The following FMN1 variants were observed in gnomAD, a reference collection of about 807,000 sequenced individuals.
FMN1 encodes formin-1.
Under a neutral mutation model 132.4 loss-of-function variants are expected in FMN1, and 110 were observed. The observed-to-expected ratio is 0.83, with a 90% CI of 0.71 to 0.97. The LOEUF (loss-of-function observed/expected upper bound fraction) is 0.97. Ranked by LOEUF, FMN1 falls within the 50% of genes least tolerant of loss-of-function variation. The pLI, the probability that FMN1 is intolerant of heterozygous loss-of-function variation, is 0.00. For synonymous variants in FMN1, 722 were observed against 651.7 expected (o/e 1.11, Z -1.64); for missense variants, 1,792 against 1,705.3 (o/e 1.05, Z -0.90).
At chr15:32,806,274 C>G (rs1386717626) in intron 17 of FMN1, among the ~76,000 whole-genome samples, 2 of 152,100 alleles carry the variant, frequency 1.3e-5, no homozygotes, top group Non-Finnish European at 2.9e-5. Flanking sequence ...TTTATTAAAC[C>G]TGGCCCTACC....
intron 7 of FMN1, among the ~76,000 whole-genome samples, chr15:32,973,582 C>A (rs917678062): frequency 2.0e-5 from 3 of 151,676 alleles, no homozygotes; most frequent in Non-Finnish European, 4.4e-5. Flanking sequence ...CCTCACCCCC[C>A]CCAAAAAAAC....
At chr15:33,124,776 T>A (rs2468735) in intron 4 of FMN1, among the ~76,000 whole-genome samples, 134,485 of 151,782 alleles carry the variant, frequency 0.89, 59,682 homozygotes, top group East Asian at 0.97. Context: ...CTCCTTAATT[T>A]TGGATTTTGT....
intron 5 of FMN1, among the ~76,000 whole-genome samples, chr15:33,073,339 A>G (rs182514238): frequency 2.1e-4 from 32 of 152,364 alleles, no homozygotes; most frequent in Non-Finnish European, 4.4e-5. Context: ...AAAGTAGTTC[A>G]AATAGCTTCA....
At chr15:33,108,734 T>C (rs345770) in intron 4 of FMN1, among the ~76,000 whole-genome samples, 57,855 of 152,024 alleles carry the variant, frequency 0.38, 12,492 homozygotes, top group East Asian at 0.69. Context: ...AGGGATTTAA[T>C]TGCCTTTTCC....
intron 4 of FMN1, among the ~76,000 whole-genome samples, chr15:33,114,897 G>GC (rs1555402702): frequency 1.3e-5 from 2 of 148,810 alleles, no homozygotes; most frequent in Non-Finnish European, 3.0e-5. Flanking sequence ...AAAGATGCAA[G>GC]CATCTCTACG....
At chr15:32,851,337 C>G (rs893671915) in intron 17 of FMN1, among the ~76,000 whole-genome samples, 8 of 152,210 alleles carry the variant, frequency 5.3e-5, no homozygotes, top group African/African-American at 1.9e-4. Flanking sequence ...AGACCACCTA[C>G]AAGATCTATA....
intron 5 of FMN1, among the ~76,000 whole-genome samples, chr15:33,076,188 T>C (rs1320334572): frequency 6.6e-6 from 1 of 152,170 alleles, no homozygotes; most frequent in African/African-American, 2.4e-5. Context: ...AGCTTTGAGC[T>C]TTCCCAAAGT....
At chr15:33,100,111 T>C (rs1361466680) in intron 4 of FMN1, among the ~76,000 whole-genome samples, 2 of 152,140 alleles carry the variant, frequency 1.3e-5, no homozygotes, top group African/African-American at 4.8e-5. Flanking sequence ...TTGGCCATTT[T>C]AGTTTCTTAT....
rs896070737 is a variant in FMN1 at position 32,769,200 on chromosome 15, G to A, written c.*5110C>T. 2 of 152,166 alleles carry A rather than the reference G, an allele frequency of 1.3e-5. No individual in the cohort carries two copies. Among genetic ancestry groups the A allele is most frequent in the Non-Finnish European group, 2.9e-5 (2 of 68,032 alleles). 9.4% of individuals were successfully genotyped at this position (152,166 alleles called of 1,614,324 possible). ...CATGTTTCCAAGTTGTTAACTACAC[G>A]TTTCCCAAATCCTAACTTTATATCA... On this transcript the variant is annotated 3_prime_UTR_variant, in exon 21 of 21. Coordinates refer to ENST00000616417, the MANE Select transcript of FMN1 (RefSeq NM_001277313.2).
At chr15:32,827,705 G>A (rs552265056) in intron 17 of FMN1, among the ~76,000 whole-genome samples, 12 of 152,140 alleles carry the variant, frequency 7.9e-5, no homozygotes, top group African/African-American at 1.2e-4. Context: ...TTAGCCTGGC[G>A]TGGTGGCGGG....
chr15:32,786,491 G>C (rs942747715), intron 19 of FMN1, among the ~76,000 whole-genome samples: 3 of 152,072 alleles, frequency 2.0e-5, no homozygotes, highest in African/African-American at 7.2e-5. Flanking sequence ...GTCAGAAAAG[G>C]GGTATATAGA....
At chr15:32,884,008 C>A (rs1387755520) in intron 16 of FMN1, among the ~76,000 whole-genome samples, 3 of 152,120 alleles carry the variant, frequency 2.0e-5, no homozygotes, top group Non-Finnish European at 4.4e-5. Context: ...ACGAATCCTA[C>A]ATCTATAGTT....
intron 17 of FMN1, among the ~76,000 whole-genome samples, chr15:32,824,835 A>G (rs551136919): frequency 3.5e-4 from 53 of 152,310 alleles, no homozygotes; most frequent in African/African-American, 1.3e-3. Flanking sequence ...CATCAACTCC[A>G]AACTACATTC....
chr15:33,028,715 G>A (rs1270392601), intron 6 of FMN1, among the ~76,000 whole-genome samples: 2 of 152,008 alleles, frequency 1.3e-5, no homozygotes, highest in Non-Finnish European at 2.9e-5. Flanking sequence ...AACCTCAAGG[G>A]GCTGCTGGCC....
chr15:32,940,394 TGTG>T (rs2061375699), intron 9 of FMN1, among the ~76,000 whole-genome samples: 113 of 36,488 alleles, frequency 3.1e-3, no homozygotes, highest in African/African-American at 0.022. Context: ...ATAAAAATTG[TGTG>T]TGTGTGTGTG....
intron 4 of FMN1, among the ~76,000 whole-genome samples, chr15:33,149,612 G>A (rs1287649880): frequency 6.6e-6 from 1 of 152,130 alleles, no homozygotes; most frequent in Non-Finnish European, 1.5e-5. Flanking sequence ...AAAGTGCATA[G>A]CAACATACTT....
intron 17 of FMN1, among the ~76,000 whole-genome samples, chr15:32,804,702 A>C (rs1420059080): frequency 1.8e-5 from 1 of 56,236 alleles, no homozygotes; most frequent in Non-Finnish European, 3.2e-5. Context: ...GATGTTCCCC[A>C]CCCTGTGTCC....
intron 7 of FMN1, among the ~76,000 whole-genome samples, chr15:33,007,709 T>C (rs561026658): frequency 6.6e-6 from 1 of 152,112 alleles, no homozygotes; most frequent in Non-Finnish European, 1.5e-5. Flanking sequence ...AAAAAAAAAC[T>C]TCTACTATAT....
intron 4 of FMN1, among the ~76,000 whole-genome samples, chr15:33,103,870 T>C (rs1006796833): frequency 1.3e-5 from 2 of 152,122 alleles, no homozygotes; most frequent in Non-Finnish European, 2.9e-5. Flanking sequence ...ATCTGAAAAT[T>C]GCCCTTTTCT....
Sources: allele counts gnomAD v4.1 joint callset (sites outside exome capture counted in the v4.1 genomes callset), GRCh38; gene constraint gnomAD v4.1.1; transcripts MANE v1.5; gene names NCBI Gene and HGNC (gene_info 2026-07-23, HGNC 2026-07-21).